Variants in LOC400499 observed in about 807,000 individuals in gnomAD.
the LOC400499 span, among the ~76,000 whole-genome samples, chr16:11,422,156 T>C: frequency 6.6e-6 from 1 of 152,354 alleles, no homozygotes; most frequent in South Asian, 2.1e-4. Context: ...ATCCCAGCAC[T>C]TTGGGAGGCC....
chr16:11,500,622 T>G, the LOC400499 span, among the ~76,000 whole-genome samples: 2 of 151,944 alleles, frequency 1.3e-5, no homozygotes, highest in African/African-American at 4.8e-5. Context: ...AACCCGGAAT[T>G]CTCTGATACC....
chr16:11,426,388 A>G, the LOC400499 span, among the ~76,000 whole-genome samples: 1 of 152,164 alleles, frequency 6.6e-6, no homozygotes, highest in Non-Finnish European at 1.5e-5. Flanking sequence ...GGTTGCAATG[A>G]GCAGAGATTG....
the LOC400499 span, chr16:11,417,668 C>T: frequency 1.6e-4 from 64 of 399,232 alleles, no homozygotes; most frequent in African/African-American, 9.4e-4. Context: ...CAGGCCTCGC[C>T]TGGGAACCCT....
At chr16:11,504,136 G>A in the LOC400499 span, among the ~76,000 whole-genome samples, 2 of 152,208 alleles carry the variant, frequency 1.3e-5, no homozygotes, top group East Asian at 1.9e-4. Context: ...AGGCACGACA[G>A]GAGGGATCAT....
chr16:11,460,406 A>G, the LOC400499 span: 2 of 1,435,556 alleles, frequency 1.4e-6, no homozygotes, highest in South Asian at 2.9e-5. Flanking sequence ...GGATGAGTTC[A>G]GGGTACTCAG....
chr16:11,375,806 C>G, the LOC400499 span, among the ~76,000 whole-genome samples: 2 of 147,030 alleles, frequency 1.4e-5, no homozygotes, highest in South Asian at 4.3e-4. Context: ...CTCGGCTCAC[C>G]GCAACCTCTG....
At chr16:11,393,249 C>T in the LOC400499 span, 1 of 593,496 alleles carries the variant, frequency 1.7e-6, no homozygotes, top group Non-Finnish European at 2.4e-6. Flanking sequence ...CCATCTCGGC[C>T]TCCCAAAGTG....
At chr16:11,482,131 C>T in the LOC400499 span, among the ~76,000 whole-genome samples, 1 of 152,174 alleles carries the variant, frequency 6.6e-6, no homozygotes, top group South Asian at 2.1e-4. Context: ...ATGACACAGG[C>T]TCAACAATGG....
chr16:11,402,681 G>A, the LOC400499 span, among the ~76,000 whole-genome samples: 45 of 152,310 alleles, frequency 3.0e-4, no homozygotes, highest in African/African-American at 1.1e-3. Context: ...GGAGAGCCCA[G>A]CCAAGGCCAG....
At chr16:11,480,008 A>G in the LOC400499 span, among the ~76,000 whole-genome samples, 4 of 152,142 alleles carry the variant, frequency 2.6e-5, no homozygotes, top group Non-Finnish European at 5.9e-5. Context: ...GCTGCTCTAT[A>G]AAGAGAAACA....
At chr16:11,502,006 G>T in the LOC400499 span, 9 of 398,220 alleles carry the variant, frequency 2.3e-5, no homozygotes, top group African/African-American at 1.6e-4. Context: ...AGGACAGCAC[G>T]AAGACTCCTT....
At chr16:11,425,752 G>A in the LOC400499 span, among the ~76,000 whole-genome samples, 4 of 152,114 alleles carry the variant, frequency 2.6e-5, no homozygotes, top group African/African-American at 9.7e-5. Flanking sequence ...AGACGTCTTC[G>A]CTGGTAAAAT....
At chr16:11,513,556 G>C in the LOC400499 span, among the ~76,000 whole-genome samples, 1 of 151,944 alleles carries the variant, frequency 6.6e-6, no homozygotes, top group South Asian at 2.1e-4. Context: ...TCAGCCTCCC[G>C]AGTAGCTGGA....
the LOC400499 span, chr16:11,449,044 A>G: frequency 6.7e-7 from 1 of 1,492,416 alleles, no homozygotes; most frequent in Non-Finnish European, 9.0e-7. Context: ...GCTGCGTTCC[A>G]GGCTGACTCG....
the LOC400499 span, among the ~76,000 whole-genome samples, chr16:11,409,739 G>A: frequency 2.6e-5 from 4 of 152,198 alleles, no homozygotes; most frequent in Non-Finnish European, 5.9e-5. Flanking sequence ...TGTAATTACC[G>A]TGTTAAATCA....
At chr16:11,515,949 G>A in the LOC400499 span, 1 of 394,394 alleles carries the variant, frequency 2.5e-6, no homozygotes, top group Non-Finnish European at 4.4e-6. Flanking sequence ...GGCAGGGCCT[G>A]AGAATGGAGT....
the LOC400499 span, chr16:11,383,826 G>T: frequency 6.5e-6 from 8 of 1,232,276 alleles, no homozygotes; most frequent in Non-Finnish European, 8.1e-6. Flanking sequence ...CCCTGAGGAG[G>T]GACCTAAGCT....
chr16:11,393,649 G>C, the LOC400499 span: 1 of 1,100,852 alleles, frequency 9.1e-7, no homozygotes, highest in Admixed American at 4.2e-5. Context: ...GAAGAGGCTG[G>C]CTGGGGAGGC....
the LOC400499 span, among the ~76,000 whole-genome samples, chr16:11,459,148 G>C: frequency 6.7e-6 from 1 of 149,668 alleles, no homozygotes; most frequent in Non-Finnish European, 1.5e-5. Flanking sequence ...AAGATCATTT[G>C]CAGGACTGGA....
Sources: allele counts gnomAD v4.1 joint callset (sites outside exome capture counted in the v4.1 genomes callset), GRCh38; gene constraint gnomAD v4.1.1; transcripts MANE v1.5.